The following IL17D variants were observed in gnomAD, a reference collection of about 807,000 sequenced individuals.
The protein encoded by IL17D is interleukin 17D.
A neutral mutation model predicts 5.7 loss-of-function variants in IL17D; 10 were observed. The ratio of observed to expected loss-of-function variants is 1.75; its 90% CI spans 1.08 to 2.97. The LOEUF (loss-of-function observed/expected upper bound fraction) is 2.97, where lower values mean the gene tolerates loss of function less well. IL17D is among the 30% of genes most tolerant of loss of function. IL17D has a pLI of 0.00. For synonymous variants in IL17D, 172 were observed against 141.7 expected (o/e 1.21, Z -1.52); for missense variants, 354 against 292.7 (o/e 1.21, Z -1.53).
At chr13:20,710,840 C>T (rs1052096653) in intron 1 of IL17D, among the ~76,000 whole-genome samples, 7 of 152,144 alleles carry the variant, frequency 4.6e-5, no homozygotes, top group Admixed American at 3.9e-4. Context: ...TAAGAAACTA[C>T]ACCTAATTTA....
chr13:20,706,613 T>C (rs1179690894), intron 1 of IL17D, among the ~76,000 whole-genome samples: 1 of 152,178 alleles, frequency 6.6e-6, no homozygotes, highest in Non-Finnish European at 1.5e-5. Flanking sequence ...GCCTGTTGAG[T>C]TTTGCCTGCC....
At chr13:20,721,477 G>A (rs1233893571) in intron 1 of IL17D, among the ~76,000 whole-genome samples, 159 bp from the exon 2 acceptor site, 1 of 152,248 alleles carries the variant, frequency 6.6e-6, no homozygotes, top group Non-Finnish European at 1.5e-5. Context: ...AGGAAGCGCC[G>A]GGCAGATCTG....
upstream of IL17D, chr13:20,703,153 C>A: frequency 5.5e-6 from 2 of 364,186 alleles, no homozygotes; most frequent in Non-Finnish European, 7.6e-6. Flanking sequence ...TGGCGCAGCA[C>A]AGGCCCTGAG....
At chr13:20,709,381 G>C (rs1429559110) in intron 1 of IL17D, among the ~76,000 whole-genome samples, 1 of 152,158 alleles carries the variant, frequency 6.6e-6, no homozygotes, top group Non-Finnish European at 1.5e-5. Context: ...GCAATGGCAA[G>C]AGATTGGAAG....
intron 1 of IL17D, among the ~76,000 whole-genome samples, chr13:20,714,632 C>G (rs1001908565): frequency 2.6e-5 from 4 of 152,224 alleles, no homozygotes; most frequent in Admixed American, 6.5e-5. Context: ...CCAAAGTCAA[C>G]CTCAGTACCC....
At chr13:20,705,078 C>A (rs1288024444) in intron 1 of IL17D, among the ~76,000 whole-genome samples, 2 of 152,046 alleles carry the variant, frequency 1.3e-5, no homozygotes, top group African/African-American at 4.8e-5. Flanking sequence ...AGGCAGGGTG[C>A]CGCAGTGTCC....
At position 20,721,716 on chromosome 13, in the gene IL17D, T is replaced by G; in HGVS notation, c.371T>G (p.Phe124Cys). Residue 124 changes from phenylalanine (F) to cysteine (C), a missense_variant, in exon 2 of 2, where the codon TTC (phenylalanine) becomes TGC (cysteine). Transcript: ENST00000682841. ...TGCCGGGGCTGCCTGACCGGGCTGT[T>G]CGGCGAGGAGGACGTGCGCTTCCGC... ...CLCRGCLTGL[F>C]GEEDVRFRSA... 6.2e-7 allele frequency: 1 copy of G among 1,611,392 alleles called. No homozygotes were observed. The highest frequency in any genetic ancestry group is 8.5e-7 in the Non-Finnish European group (1 of 1,179,392).
rs1191044999 is a variant in IL17D at position 20,721,759 on chromosome 13, GC to G, written c.417del (p.Thr140ProfsTer128). On this transcript the variant is annotated frameshift_variant, in exon 2 of 2. Coordinates refer to ENST00000682841, the MANE Select transcript of IL17D (RefSeq NM_001385224.1). LOFTEE classifies it low-confidence loss of function (END_TRUNC). The stretch of plus-strand genomic sequence containing the variant: ...GCTTCCGCAGCGCCCCTGTCTACAT[GC>G]CCACCGTCGTCCTGCGCCGCACCCC... ...VRFRSAPVYMPTVVLRRTPAC... is the reference protein window; with the variant it reads ...VRFRSAPVYMXTVVLRRTPAC... 1 of 1,610,058 alleles carries G rather than the reference GC, an allele frequency of 6.2e-7. No individual in the cohort carries two copies. Among genetic ancestry groups the G allele is most frequent in the Non-Finnish European group, 8.5e-7 (1 of 1,179,734 alleles).
In IL17D at chr13:20,722,952, A is replaced by T. The variant is rs2058749196; in HGVS notation, c.*998A>T. 6.6e-6 allele frequency: 1 copy of T among 152,230 alleles called. No homozygotes were observed. The highest frequency in any genetic ancestry group is 2.4e-5 in the African/African-American group (1 of 41,440). The allele number at this position is 152,230 out of a possible 1,614,324, so 9.4% of individuals were successfully genotyped here. On this transcript the variant is annotated 3_prime_UTR_variant, in exon 2 of 2. Coordinates refer to ENST00000682841, the MANE Select transcript of IL17D (RefSeq NM_001385224.1). ...GTGGGCCACGTTAGCATCTGCAGAG[A>T]TCAATCTGGAGGCTTCTGTTTCTGC...
At chr13:20,708,856 A>AAAAC (rs1163471915) in intron 1 of IL17D, among the ~76,000 whole-genome samples, 6 of 149,410 alleles carry the variant, frequency 4.0e-5, no homozygotes, top group African/African-American at 1.5e-4. Flanking sequence ...AAAAAAAAAA[A>AAAAC]AAAATTAGCC....
chr13:20,719,785 C>A (rs1000297552), intron 1 of IL17D, among the ~76,000 whole-genome samples: 2 of 152,162 alleles, frequency 1.3e-5, no homozygotes, highest in African/African-American at 2.4e-5. Flanking sequence ...CCAGCAGCCA[C>A]TCGTTTTGTG....
chr13:20,705,310 G>A (rs1378804820), intron 1 of IL17D, among the ~76,000 whole-genome samples: 1 of 151,916 alleles, frequency 6.6e-6, no homozygotes, highest in Non-Finnish European at 1.5e-5. Flanking sequence ...CAAGGCGAGC[G>A]GGGGCGGTGG....
intron 1 of IL17D, among the ~76,000 whole-genome samples, chr13:20,718,513 CACACTT>C (rs1249111936): frequency 2.9e-4 from 18 of 62,486 alleles, no homozygotes; most frequent in Non-Finnish European, 5.4e-4. Flanking sequence ...CACACTCAGA[CACACTT>C]ACCCCCCACC....
At chr13:20,720,873 A>ACCCCCCCCCCCCCCCCC in intron 1 of IL17D, among the ~76,000 whole-genome samples, 1 of 36,138 alleles carries the variant, frequency 2.8e-5, no homozygotes, top group African/African-American at 1.2e-4. Context: ...CCTCCCTCCC[A>ACCCCCCCCCCCCCCCCC]ACCCCCCCCC....
At position 20,722,120 on chromosome 13, in the gene IL17D, G is replaced by A. The variant is rs1024487942; in HGVS notation, c.*166G>A. ...TGGAGACTCGTAAGCAGCTTCATCTGACACGGGCATCCCTGGCTTGCTTTT... is the reference window on the plus strand; with the variant it reads ...TGGAGACTCGTAAGCAGCTTCATCTAACACGGGCATCCCTGGCTTGCTTTT... On this transcript the variant is annotated 3_prime_UTR_variant, in exon 2 of 2. Transcript: ENST00000682841. The A allele has an allele frequency of 1.7e-6, 1 of 592,342 alleles. No individual in the cohort carries two copies. The highest frequency in any genetic ancestry group is 2.0e-5 in the African/African-American group (1 of 51,096). The allele number at this position is 592,342 out of a possible 1,614,324, so 36.7% of individuals were successfully genotyped here.
intron 1 of IL17D, among the ~76,000 whole-genome samples, chr13:20,714,526 A>G (rs2058663978): frequency 6.6e-6 from 1 of 152,216 alleles, no homozygotes; most frequent in Non-Finnish European, 1.5e-5. Context: ...GGGCAGGCTA[A>G]GCCTTCTTTT....
intron 1 of IL17D, 111 bp from the exon 2 acceptor site, chr13:20,721,525 C>A: frequency 1.2e-6 from 1 of 854,242 alleles, no homozygotes; most frequent in Non-Finnish European, 1.7e-6. Context: ...CGCCCGCAGG[C>A]GGAGGACAGG....
rs1278652422 is a variant in IL17D at position 20,716,690 on chromosome 13, C to T, written c.291-4946C>T. Among the ~76,000 whole-genome samples the T allele has an allele frequency of 2.0e-5, 3 of 152,206 alleles. No homozygotes were observed. The highest frequency in any genetic ancestry group is 7.2e-5 in the African/African-American group (3 of 41,442). ...GAGTCTGCTGGGTTGAACTCATTGA[C>T]CTTCGGATCTGGCGAGCCACGCTAC... On this transcript the variant is annotated intron_variant, in intron 1 of 1. Transcript: ENST00000682841. This position sits in a 1 kb window ranked among gnomAD's most constrained non-coding sequence, Gnocchi z 4.2.
At chr13:20,704,321 C>A (rs1380538455) in intron 1 of IL17D, 30 bp downstream of exon 1, 48 of 459,768 alleles carry the variant, frequency 1.0e-4, no homozygotes, top group Non-Finnish European at 1.3e-4. Context: ...TGGCGGGGCC[C>A]GGCAGGTGGG....
Sources: allele counts gnomAD v4.1 joint callset (sites outside exome capture counted in the v4.1 genomes callset), GRCh38; gene constraint gnomAD v4.1.1; non-coding constraint Gnocchi (gnomAD v3.1); transcripts MANE v1.5; gene names NCBI Gene and HGNC (gene_info 2026-07-23, HGNC 2026-07-21).